Variants in CCDC60 observed in about 807,000 individuals in gnomAD.
CCDC60 encodes coiled-coil domain containing 60, also known as coiled-coil domain-containing protein 60.
Under a neutral mutation model 63.5 loss-of-function variants are expected in CCDC60, and 54 were observed. The observed-to-expected ratio is 0.85, with a 90% CI of 0.68 to 1.07. The LOEUF is 1.07. Ranked by LOEUF, CCDC60 falls within the 50% of genes least tolerant of loss-of-function variation. The pLI is 0.00. For synonymous variants in CCDC60, 206 were observed against 238.8 expected, an observed-to-expected ratio of 0.86 and a Z score of 1.27; for missense variants, 651 against 684.3, an observed-to-expected ratio of 0.95 and a Z score of 0.54.
At chr12:119,342,472 A>G (rs1040712721) in intron 1 of CCDC60, among the ~76,000 whole-genome samples, 7 of 152,212 alleles carry the variant, frequency 4.6e-5, no homozygotes, top group Non-Finnish European at 8.8e-5. Flanking sequence ...AGTGACTTGC[A>G]CAAATGATTT....
intron 2 of CCDC60, among the ~76,000 whole-genome samples, chr12:119,430,782 G>A (rs1950215838): frequency 6.6e-6 from 1 of 152,086 alleles, no homozygotes; most frequent in Non-Finnish European, 1.5e-5. Context: ...TGCACCTTCA[G>A]CTTCCAGCCT....
chr12:119,416,235 C>T (rs1006991454), intron 1 of CCDC60, among the ~76,000 whole-genome samples: 1 of 151,944 alleles, frequency 6.6e-6, no homozygotes, highest in Non-Finnish European at 1.5e-5. Context: ...ACAAATTAGC[C>T]GGGCGAGGTG....
intron 11 of CCDC60, among the ~76,000 whole-genome samples, chr12:119,527,866 A>G (rs1157427737): frequency 2.7e-5 from 4 of 150,876 alleles, no homozygotes; most frequent in African/African-American, 9.7e-5. Flanking sequence ...TTTTTTTAGT[A>G]GAGACGGGGT....
At chr12:119,494,001 G>T (rs901928005) in intron 5 of CCDC60, among the ~76,000 whole-genome samples, 13 of 152,152 alleles carry the variant, frequency 8.5e-5, no homozygotes, top group African/African-American at 2.7e-4. Flanking sequence ...TCAAAAAAAG[G>T]CCACTAACAG....
intron 12 of CCDC60, 144 bp downstream of exon 12, chr12:119,528,890 A>AC: frequency 5.2e-6 from 4 of 765,712 alleles, no homozygotes; most frequent in Non-Finnish European, 7.9e-6. Flanking sequence ...AGGATCCCCC[A>AC]CCCCCCAGAA....
At chr12:119,364,418 TCTATCA>T (rs541881271) in intron 1 of CCDC60, among the ~76,000 whole-genome samples, 19 of 152,306 alleles carry the variant, frequency 1.2e-4, no homozygotes, top group African/African-American at 4.6e-4. Flanking sequence ...TCATCTATAC[TCTATCA>T]CTATAAGTTA....
intron 1 of CCDC60, among the ~76,000 whole-genome samples, chr12:119,349,330 C>T (rs889585054): frequency 7.6e-5 from 11 of 144,730 alleles, no homozygotes; most frequent in African/African-American, 2.8e-4. Flanking sequence ...AGGTCCAGGG[C>T]GTGTTCCTTT....
intron 1 of CCDC60, among the ~76,000 whole-genome samples, chr12:119,390,944 C>T (rs148650685): frequency 6.6e-6 from 1 of 152,332 alleles, no homozygotes; most frequent in Non-Finnish European, 1.5e-5. Flanking sequence ...GCTTAATTTC[C>T]TGCTGTTTAA....
intron 11 of CCDC60, among the ~76,000 whole-genome samples, chr12:119,525,541 CAA>C (rs1952658543): frequency 6.6e-6 from 1 of 152,190 alleles, no homozygotes; most frequent in African/African-American, 2.4e-5. Context: ...CATATCCAGA[CAA>C]ACTAAGCTTC....
At chr12:119,520,247 G>A in intron 9 of CCDC60, 55 bp downstream of exon 9, 1 of 1,476,048 alleles carries the variant, frequency 6.8e-7, no homozygotes, top group South Asian at 1.1e-5. Flanking sequence ...CACACTTACA[G>A]GGGCCACTGC....
At chr12:119,397,692 G>A (rs994720930) in intron 1 of CCDC60, among the ~76,000 whole-genome samples, 21 of 136,110 alleles carry the variant, frequency 1.5e-4, no homozygotes, top group African/African-American at 2.5e-4. Context: ...TGGAGTTGCC[G>A]GCCAGTCCCA....
At chr12:119,388,966 C>T (rs1956106824) in intron 1 of CCDC60, among the ~76,000 whole-genome samples, 1 of 152,208 alleles carries the variant, frequency 6.6e-6, no homozygotes, top group African/African-American at 2.4e-5. Flanking sequence ...ATCATGACCA[C>T]TACCTTTCTT....
At chr12:119,418,745 A>G (rs117197973) in intron 1 of CCDC60, among the ~76,000 whole-genome samples, 5,991 of 152,140 alleles carry the variant, frequency 0.039, 162 homozygotes, top group Middle Eastern at 0.068. Flanking sequence ...AGATGTCCCT[A>G]GTTATCCCAG....
At chr12:119,463,419 C>A (rs75504257) in intron 2 of CCDC60, among the ~76,000 whole-genome samples, 2 of 152,242 alleles carry the variant, frequency 1.3e-5, no homozygotes, top group Non-Finnish European at 2.9e-5. Flanking sequence ...AGTGAACTCA[C>A]CACTTGGGTT....
chr12:119,499,812 A>T (rs1951804217), intron 5 of CCDC60, among the ~76,000 whole-genome samples: 1 of 152,166 alleles, frequency 6.6e-6, no homozygotes, highest in East Asian at 1.9e-4. Context: ...CGAGTCTAAA[A>T]TACAAATAGA....
chr12:119,380,905 A>G (rs1187920962), intron 1 of CCDC60, among the ~76,000 whole-genome samples: 1 of 152,210 alleles, frequency 6.6e-6, no homozygotes, highest in Non-Finnish European at 1.5e-5. Context: ...TTACAGTGAT[A>G]GTAGTAAGTT....
At chr12:119,377,440 T>G (rs550519414) in intron 1 of CCDC60, among the ~76,000 whole-genome samples, 35 of 152,132 alleles carry the variant, frequency 2.3e-4, no homozygotes, top group Non-Finnish European at 4.6e-4. Flanking sequence ...AGTGTTTACA[T>G]GCACAAGTAA....
chr12:119,373,592 T>C (rs1955919904), intron 1 of CCDC60, among the ~76,000 whole-genome samples: 1 of 142,702 alleles, frequency 7.0e-6, no homozygotes, highest in African/African-American at 2.6e-5. Context: ...ACTGCACTGG[T>C]GAAAGTTTAT....
At chr12:119,348,738 T>C (rs918874395) in intron 1 of CCDC60, among the ~76,000 whole-genome samples, 12 of 152,242 alleles carry the variant, frequency 7.9e-5, no homozygotes, top group Non-Finnish European at 1.0e-4. Flanking sequence ...TTCTGGTATA[T>C]GTAATGCCAG....
Sources: allele counts gnomAD v4.1 joint callset (sites outside exome capture counted in the v4.1 genomes callset), GRCh38; gene constraint gnomAD v4.1.1; transcripts MANE v1.5; gene names NCBI Gene and HGNC (gene_info 2026-07-23, HGNC 2026-07-21).